Variants in TMEM170B observed in about 807,000 individuals in gnomAD.
TMEM170B encodes transmembrane protein 170B.
TMEM170B carries 6 observed loss-of-function variants against 13.0 expected under a neutral mutation model. That is an observed-to-expected ratio of 0.46 (90% CI 0.25 to 0.91). The LOEUF is 0.91. Among genes scored for constraint, TMEM170B ranks in the 40% least tolerant of loss-of-function variants. The pLI is 0.17. For missense variants in TMEM170B, 138 were observed against 165.2 expected (o/e 0.84, Z 0.90); for synonymous variants, 61 against 64.9 (o/e 0.94, Z 0.29).
rs1321069739 is a variant in TMEM170B, at chr6:11,538,186, G to A, written c.-92G>A. 1 of 422,838 alleles carries A rather than the reference G, an allele frequency of 2.4e-6. No homozygotes were observed. The highest frequency in any genetic ancestry group is 9.0e-5 in the East Asian group (1 of 11,058). 26.2% of individuals were successfully genotyped at this position (422,838 alleles called of 1,614,324 possible). ...CCTCCACCAGCGGCGGCGGCCTGGA[G>A]GAGCCGCGCACCCGCCGCCGCCCCC... On this transcript the variant is annotated 5_prime_UTR_variant, in exon 1 of 3. Transcript: ENST00000379426.
intron 1 of TMEM170B, among the ~76,000 whole-genome samples, chr6:11,553,749 A>G (rs1375709942): frequency 6.6e-6 from 1 of 152,198 alleles, no homozygotes; most frequent in East Asian, 1.9e-4. Flanking sequence ...TTTCAAGTTA[A>G]GCAACTTTCT....
At chr6:11,562,742 A>C (rs763411862) in intron 1 of TMEM170B, among the ~76,000 whole-genome samples, 1 of 152,030 alleles carries the variant, frequency 6.6e-6, no homozygotes, top group Non-Finnish European at 1.5e-5. Flanking sequence ...CACCAACCTT[A>C]TCCAGATTTT....
chr6:11,562,829 T>G (rs1759686462), intron 1 of TMEM170B, among the ~76,000 whole-genome samples: 1 of 152,194 alleles, frequency 6.6e-6, no homozygotes, highest in Admixed American at 6.5e-5. Context: ...TACATGTATA[T>G]CCACCACTAT....
chr6:11,566,451 A>T (rs1759733732), intron 2 of TMEM170B, among the ~76,000 whole-genome samples: 1 of 152,148 alleles, frequency 6.6e-6, no homozygotes, highest in South Asian at 2.1e-4. Flanking sequence ...CTTGACTTCA[A>T]AGAATTAGTT....
At chr6:11,538,603 C>T (rs1759315050) in intron 1 of TMEM170B, among the ~76,000 whole-genome samples, 1 of 152,186 alleles carries the variant, frequency 6.6e-6, no homozygotes, top group Non-Finnish European at 1.5e-5. Flanking sequence ...CAGCGACCCC[C>T]GCTCCTGCCC....
chr6:11,551,442 G>C (rs1294583626), intron 1 of TMEM170B, among the ~76,000 whole-genome samples: 2 of 152,172 alleles, frequency 1.3e-5, no homozygotes, highest in Non-Finnish European at 2.9e-5. Flanking sequence ...GGTATGGGGA[G>C]AAAGGAATGA....
At chr6:11,549,230 C>A (rs1304940771) in intron 1 of TMEM170B, among the ~76,000 whole-genome samples, 2 of 152,186 alleles carry the variant, frequency 1.3e-5, no homozygotes, top group Non-Finnish European at 2.9e-5. Flanking sequence ...GCATGCATCT[C>A]ATTTTCTATA....
intron 1 of TMEM170B, among the ~76,000 whole-genome samples, chr6:11,544,480 A>G (rs143719915): frequency 6.6e-6 from 1 of 152,332 alleles, no homozygotes; most frequent in African/African-American, 2.4e-5. Context: ...ATTTGTCCAG[A>G]AAATAAAATA....
Position 11,538,432 on chromosome 6 carries a change from C to G in TMEM170B, c.97+58C>G, listed in dbSNP as rs992854280. 7 of 1,315,400 alleles carry G rather than the reference C, an allele frequency of 5.3e-6. No homozygotes were observed. The Admixed American group carries it at 1.3e-4, about 25-fold the overall frequency. 81.5% of individuals were successfully genotyped at this position (1,315,400 alleles called of 1,614,324 possible). A position where few individuals can be genotyped will look rare whatever the true frequency, so the allele number is the denominator to read the frequency against. On this transcript the variant is annotated intron_variant, in intron 1 of 2. Transcript: ENST00000379426. ...GCGGTCCGCCCCTCTCCTGTCTTCTCCTTCCTCGGGAGGGGACACGCTCCT... is the reference window on the plus strand; with the variant it reads ...GCGGTCCGCCCCTCTCCTGTCTTCTGCTTCCTCGGGAGGGGACACGCTCCT...
intron 1 of TMEM170B, among the ~76,000 whole-genome samples, chr6:11,558,508 A>T (rs9469420): frequency 1.3e-5 from 2 of 152,210 alleles, no homozygotes; most frequent in Non-Finnish European, 2.9e-5. Flanking sequence ...CCCAAGCTAC[A>T]TCGTAAACCA....
intron 1 of TMEM170B, among the ~76,000 whole-genome samples, chr6:11,545,280 C>CTCTGTGTGTGTGTGTGTGTGTGTG (rs1442789332): frequency 3.6e-4 from 51 of 139,806 alleles, no homozygotes; most frequent in Non-Finnish European, 1.2e-4. Flanking sequence ...CTCTCTCTCT[C>CTCTGTGTGTGTGTGTGTGTGTGTG]TGTGTGTGTG....
rs1204419116 is a variant in TMEM170B at position 11,577,275 on chromosome 6, AAAT to A, written c.*1720_*1722del. The A allele has an allele frequency of 1.3e-5, 2 of 152,128 alleles. No individual in the cohort carries two copies. Among genetic ancestry groups the A allele is most frequent in the African/African-American group, 4.8e-5 (2 of 41,448 alleles). 9.4% of individuals were successfully genotyped at this position (152,128 alleles called of 1,614,324 possible). A position where few individuals can be genotyped will look rare whatever the true frequency, so the allele number is the denominator to read the frequency against. ...ACTGGCTTGGAAATTTGTTTTAAAAAAATAATAAGCAACTATGCATGGATCTTT... is the reference window on the plus strand; with the variant it reads ...ACTGGCTTGGAAATTTGTTTTAAAAAAATAAGCAACTATGCATGGATCTTT... On this transcript the variant is annotated 3_prime_UTR_variant, in exon 3 of 3. Coordinates refer to ENST00000379426, the MANE Select transcript of TMEM170B (RefSeq NM_001100829.3).
chr6:11,571,232 C>T (rs1195272818), intron 2 of TMEM170B, among the ~76,000 whole-genome samples: 1 of 149,520 alleles, frequency 6.7e-6, no homozygotes, highest in Non-Finnish European at 1.5e-5. Flanking sequence ...GCTGCCCAGG[C>T]TGGAATGCAG....
rs147455979 is a variant in TMEM170B, at chr6:11,542,448, A to G, written c.97+4074A>G. On this transcript the variant is annotated intron_variant, in intron 1 of 2. Coordinates refer to ENST00000379426, the MANE Select transcript of TMEM170B (RefSeq NM_001100829.3). ...TTAATACTTGCCAGTTGCTCATTGG[A>G]CCTTGCCATTTCATAAAGGATATGC... Among the ~76,000 whole-genome samples, 173 of 152,260 alleles carry G rather than the reference A, an allele frequency of 1.1e-3. 3 individuals are homozygous for G. The East Asian group carries it at 0.026, about 23-fold the overall frequency.
chr6:11,538,225 C>T lies in TMEM170B; in HGVS notation c.-53C>T. On this transcript the variant is annotated 5_prime_UTR_variant, in exon 1 of 3. Transcript: ENST00000379426. ...GCCGCCGCCCCCCGAGCCTCGCAGC[C>T]GCCGCCGCCGCCCGGCACCCGAGGA... 1.1e-6 allele frequency: 1 copy of T among 914,320 alleles called. No individual in the cohort carries two copies. The highest frequency in any genetic ancestry group is 4.9e-5 in the Admixed American group (1 of 20,318). The allele number at this position is 914,320 out of a possible 1,614,324, so 56.6% of individuals were successfully genotyped here.
intron 2 of TMEM170B, among the ~76,000 whole-genome samples, chr6:11,574,969 A>G (rs1759854186): frequency 6.6e-6 from 1 of 152,092 alleles, no homozygotes. Context: ...CATATTATTC[A>G]GAAAAGATAC....
chr6:11,539,828 A>C (rs1020020383), intron 1 of TMEM170B, among the ~76,000 whole-genome samples: 4 of 152,208 alleles, frequency 2.6e-5, no homozygotes, highest in African/African-American at 7.2e-5. Flanking sequence ...AGTGAAATGA[A>C]AAGTAGGGAC....
At chr6:11,558,658 T>C (rs886664236) in intron 1 of TMEM170B, among the ~76,000 whole-genome samples, 7 of 152,196 alleles carry the variant, frequency 4.6e-5, no homozygotes, top group Non-Finnish European at 8.8e-5. Context: ...CTAATTTGTT[T>C]AAATCTTGTT....
chr6:11,560,118 A>AACCATTGATCTAGCAGAGCATCTTCTCCT (rs1378310015), intron 1 of TMEM170B, among the ~76,000 whole-genome samples: 1 of 151,756 alleles, frequency 6.6e-6, no homozygotes, highest in East Asian at 1.9e-4. Context: ...TCAAGTTGAG[A>AACCATTGATCTAGCAGAGCATCTTCTCCT]ACCATTGATC....
Sources: gnomAD v4.1 joint callset for allele counts (sites outside exome capture counted in the v4.1 genomes callset) on GRCh38, gnomAD v4.1.1 for gene constraint, MANE v1.5 for transcripts, NCBI Gene and HGNC (gene_info 2026-07-23, HGNC 2026-07-21) for gene names.